The following MTPN variants were observed in gnomAD, a reference collection of about 807,000 sequenced individuals.
The protein encoded by MTPN is myotrophin.
A neutral mutation model predicts 13.5 loss-of-function variants in MTPN; 2 were observed. The observed-to-expected ratio is 0.15, with a 90% CI of 0.06 to 0.47. The LOEUF is 0.47. Ranked by LOEUF, MTPN falls within the 20% of genes least tolerant of loss-of-function variation. The probability of loss-of-function intolerance (pLI) is 0.97; values close to 1 mark genes in which losing one functional copy is unlikely to be tolerated. For synonymous variants in MTPN, 46 were observed against 51.7 expected (o/e 0.89, Z 0.48); for missense variants, 79 against 137.9 (o/e 0.57, Z 2.14).
At chr7:135,930,946 A>C (rs1799011198) in intron 3 of MTPN, among the ~76,000 whole-genome samples, 1 of 151,880 alleles carries the variant, frequency 6.6e-6, no homozygotes, top group South Asian at 2.1e-4. Flanking sequence ...CTTGTTCCTG[A>C]CACCTACAGA....
chr7:135,949,789 G>A (rs1216115837), intron 3 of MTPN, among the ~76,000 whole-genome samples: 1 of 152,124 alleles, frequency 6.6e-6, no homozygotes, highest in Non-Finnish European at 1.5e-5. Flanking sequence ...CTATGTATCA[G>A]GCACTGTGGC....
intron 1 of MTPN, among the ~76,000 whole-genome samples, chr7:135,971,619 T>C (rs992844048): frequency 6.6e-6 from 1 of 152,188 alleles, no homozygotes; most frequent in African/African-American, 2.4e-5. Context: ...ATTTAATCTC[T>C]GCCTCTAAAA....
rs2116333151 is a variant in MTPN, at chr7:135,929,197, T to TACTGGAATGGTTTCTCC, written c.*712_*728dup. The TACTGGAATGGTTTCTCC allele has an allele frequency of 6.0e-6, 1 of 167,172 alleles. No individual in the cohort carries two copies. The highest frequency in any genetic ancestry group is 2.1e-4 in the South Asian group (1 of 4,834). 10.4% of individuals were successfully genotyped at this position (167,172 alleles called of 1,614,324 possible). A position where few individuals can be genotyped will look rare whatever the true frequency, so the allele number is the denominator to read the frequency against. ...AATCTAGAGGAGAAAAAAATATGCA[T>TACTGGAATGGTTTCTCC]ACTGGAATGGTTTCTCCTTTAGACT... On this transcript the variant is annotated 3_prime_UTR_variant, in exon 4 of 4. Coordinates refer to ENST00000393085, the MANE Select transcript of MTPN (RefSeq NM_145808.4).
At chr7:135,931,636 A>G (rs529545542) in intron 3 of MTPN, among the ~76,000 whole-genome samples, 1 of 152,308 alleles carries the variant, frequency 6.6e-6, no homozygotes, top group South Asian at 2.1e-4. Context: ...TGTATTCAAA[A>G]AAGTTATTTC....
intron 1 of MTPN, among the ~76,000 whole-genome samples, chr7:135,955,831 C>T (rs1799435034): frequency 7.4e-6 from 1 of 135,046 alleles, no homozygotes; most frequent in Non-Finnish European, 1.6e-5. Flanking sequence ...TTGACCATCT[C>T]AATGGATTAT....
At chr7:135,944,797 C>T (rs1051707366) in intron 3 of MTPN, among the ~76,000 whole-genome samples, 2 of 152,136 alleles carry the variant, frequency 1.3e-5, no homozygotes, top group African/African-American at 4.8e-5. Flanking sequence ...ATATAGTAGT[C>T]TCCTTTTATC....
chr7:135,965,699 A>G (rs563941085), intron 1 of MTPN, among the ~76,000 whole-genome samples: 26 of 152,292 alleles, frequency 1.7e-4, no homozygotes, highest in African/African-American at 6.3e-4. Context: ...ATACTAATAC[A>G]ACTGTTGTCA....
intron 2 of MTPN, 65 bp downstream of exon 2, chr7:135,951,452 G>T: frequency 1.1e-6 from 1 of 889,894 alleles, no homozygotes; most frequent in Non-Finnish European, 1.7e-6. Flanking sequence ...ATAATCTATA[G>T]AAAACAATTA....
At chr7:135,944,605 C>T (rs1213216385) in intron 3 of MTPN, among the ~76,000 whole-genome samples, 1 of 151,918 alleles carries the variant, frequency 6.6e-6, no homozygotes, top group African/African-American at 2.4e-5. Context: ...CGAGATCACG[C>T]CATTGCACTC....
chr7:135,927,504 T>C lies in MTPN; in HGVS notation c.*2422A>G, dbSNP rs1316018276. 10 of 1,247,334 alleles carry C rather than the reference T, an allele frequency of 8.0e-6. No individual in the cohort carries two copies. Among genetic ancestry groups the C allele is most frequent in the Non-Finnish European group, 1.0e-5 (9 of 891,666 alleles). 77.3% of individuals were successfully genotyped at this position (1,247,334 alleles called of 1,614,324 possible). A position where few individuals can be genotyped will look rare whatever the true frequency, so the allele number is the denominator to read the frequency against. Reference sequence around the variant, plus strand: ...TCTGAGATGTTAAGTATTACTTCAGTGGAGAACAAAACTTACTTAACCTTT... The same window carrying C: ...TCTGAGATGTTAAGTATTACTTCAGCGGAGAACAAAACTTACTTAACCTTT... On this transcript the variant is annotated 3_prime_UTR_variant, in exon 4 of 4. Coordinates refer to ENST00000393085, the MANE Select transcript of MTPN (RefSeq NM_145808.4).
intron 1 of MTPN, among the ~76,000 whole-genome samples, chr7:135,959,511 T>A (rs1799491584): frequency 6.6e-6 from 1 of 152,168 alleles, no homozygotes; most frequent in Non-Finnish European, 1.5e-5. Context: ...AGAATTAGAT[T>A]AAGCTGACTC....
chr7:135,936,081 A>G (rs1210796292), intron 3 of MTPN, among the ~76,000 whole-genome samples: 1 of 152,178 alleles, frequency 6.6e-6, no homozygotes, highest in Non-Finnish European at 1.5e-5. Context: ...ATTGTTTTAC[A>G]TATTTGTCTC....
At chr7:135,946,638 A>G (rs1174353504) in intron 3 of MTPN, among the ~76,000 whole-genome samples, 2 of 152,208 alleles carry the variant, frequency 1.3e-5, no homozygotes, top group Non-Finnish European at 2.9e-5. Context: ...AAGTTTGCCA[A>G]CTTTTGAACT....
chr7:135,970,742 G>T (rs1345281614), intron 1 of MTPN, among the ~76,000 whole-genome samples: 1 of 151,896 alleles, frequency 6.6e-6, no homozygotes, highest in Non-Finnish European at 1.5e-5. Flanking sequence ...TGTAAAAAAA[G>T]ATCTTCCTCT....
At chr7:135,939,763 T>C (rs1799180765) in intron 3 of MTPN, among the ~76,000 whole-genome samples, 1 of 152,134 alleles carries the variant, frequency 6.6e-6, no homozygotes, top group Admixed American at 6.6e-5. Context: ...CAGTCTGTAA[T>C]TAACCATTAA....
intron 1 of MTPN, among the ~76,000 whole-genome samples, chr7:135,973,198 AG>A (rs1161954026): frequency 6.7e-6 from 1 of 149,214 alleles, no homozygotes; most frequent in Non-Finnish European, 1.5e-5. Context: ...TAAACTGACC[AG>A]GAAGGGGTCA....
intron 1 of MTPN, among the ~76,000 whole-genome samples, chr7:135,955,866 T>C (rs1799437265): frequency 6.6e-6 from 1 of 150,598 alleles, no homozygotes. Context: ...CCAATATGCA[T>C]TTGTCATCAG....
At chr7:135,945,019 C>A (rs1462023040) in intron 3 of MTPN, among the ~76,000 whole-genome samples, 1 of 152,106 alleles carries the variant, frequency 6.6e-6, no homozygotes, top group Non-Finnish European at 1.5e-5. Context: ...AAACCTATAT[C>A]CAGTATGTTA....
chr7:135,976,927 TCCCGCCC>T, intron 1 of MTPN, 95 bp downstream of exon 1: 7 of 410,730 alleles, frequency 1.7e-5, no homozygotes, highest in Non-Finnish European at 3.1e-5. Flanking sequence ...AAGTCTCTCC[TCCCGCCC>T]ACCCCCATCC....
Sources: allele counts gnomAD v4.1 joint callset (sites outside exome capture counted in the v4.1 genomes callset), GRCh38; gene constraint gnomAD v4.1.1; transcripts MANE v1.5; gene names NCBI Gene and HGNC (gene_info 2026-07-23, HGNC 2026-07-21).